Variants in NCOR1 observed in about 807,000 individuals in gnomAD.
NCOR1 encodes the protein nuclear receptor corepressor 1, also known as protein phosphatase 1, regulatory subunit 109.
Under a neutral mutation model 288.1 loss-of-function variants are expected in NCOR1, and 63 were observed. The ratio of observed to expected loss-of-function variants is 0.22; its 90% CI spans 0.18 to 0.27. The LOEUF (loss-of-function observed/expected upper bound fraction) is 0.27, where lower values mean the gene tolerates loss of function less well. Ranked by LOEUF, NCOR1 falls within the 10% of genes least tolerant of loss-of-function variation. The pLI is 1.00. For missense variants in NCOR1, 2,397 were observed against 3,019.2 expected (o/e 0.79, Z 4.83); for synonymous variants, 1,007 against 1,065.9 (o/e 0.94, Z 1.08).
At chr17:16,178,873 T>C (rs895364417) in intron 3 of NCOR1, among the ~76,000 whole-genome samples, 4 of 152,090 alleles carry the variant, frequency 2.6e-5, no homozygotes, top group African/African-American at 9.7e-5. Context: ...GGGAGGCCGA[T>C]GCAGGTGGAT....
chr17:16,048,693 A>T, intron 41 of NCOR1, 152 bp downstream of exon 41: 1 of 641,052 alleles, frequency 1.6e-6, no homozygotes, highest in Non-Finnish European at 2.3e-6. Flanking sequence ...CACTAGCATT[A>T]GATGAGTAGG....
chr17:16,094,780 T>C (rs1344576738), intron 21 of NCOR1, among the ~76,000 whole-genome samples: 1 of 152,220 alleles, frequency 6.6e-6, no homozygotes, highest in Non-Finnish European at 1.5e-5. Context: ...TTGGCTGGGC[T>C]GGTCTCCAGC....
At chr17:16,125,330 T>A (rs1772250288) in intron 15 of NCOR1, among the ~76,000 whole-genome samples, 1 of 152,072 alleles carries the variant, frequency 6.6e-6, no homozygotes. Flanking sequence ...GCCACTGCAC[T>A]CCAGCCTGGG....
intron 5 of NCOR1, among the ~76,000 whole-genome samples, chr17:16,161,902 T>A (rs1599677059): frequency 6.6e-6 from 1 of 152,272 alleles, no homozygotes; most frequent in East Asian, 1.9e-4. Context: ...AATATATTCA[T>A]TATCTCAATT....
chr17:16,137,080 A>T (rs2076547497), intron 14 of NCOR1, among the ~76,000 whole-genome samples: 1 of 152,146 alleles, frequency 6.6e-6, no homozygotes, highest in Non-Finnish European at 1.5e-5. Flanking sequence ...ATGGTATAAA[A>T]CTTTTCTAAT....
At chr17:16,077,580 AGGGG>A (rs2062745271) in intron 26 of NCOR1, among the ~76,000 whole-genome samples, 1 of 9,604 alleles carries the variant, frequency 1.0e-4, no homozygotes, top group African/African-American at 4.7e-4. Context: ...GGGGGAGGGG[AGGGG>A]GAGGGGAGAA....
At chr17:16,155,097 A>G (rs2079507398) in intron 6 of NCOR1, among the ~76,000 whole-genome samples, 1 of 152,190 alleles carries the variant, frequency 6.6e-6, no homozygotes, top group African/African-American at 2.4e-5. Context: ...CACGCCTGTA[A>G]TATCAACACT....
At chr17:16,077,590 G>GGGA (rs1555609692) in intron 26 of NCOR1, among the ~76,000 whole-genome samples, 2 of 48,924 alleles carry the variant, frequency 4.1e-5, no homozygotes, top group Admixed American at 2.1e-4. Context: ...AGGGGGAGGG[G>GGGA]AGAAGGGAGG....
At position 16,113,268 on chromosome 17, in the gene NCOR1, C is replaced by G. The variant is rs1163190114; in HGVS notation, c.2056-4356G>C. ...CCATTTTCCAAAAAAAAAAAAATGACTTACTAAAACAGTGGCACAACCTTC... is the reference window on the plus strand; with the variant it reads ...CCATTTTCCAAAAAAAAAAAAATGAGTTACTAAAACAGTGGCACAACCTTC... On this transcript the variant is annotated intron_variant, in intron 18 of 45. Transcript: ENST00000268712. Among the ~76,000 whole-genome samples, 4 of 151,618 alleles carry G rather than the reference C, an allele frequency of 2.6e-5. No individual in the cohort carries two copies. The South Asian group carries it at 6.3e-4, about 24-fold the overall frequency.
chr17:16,058,610 A>C lies in NCOR1; in HGVS notation c.5882-11T>G. ...ACCTGTGAGAAGATACTTTAAGAAA[A>C]GAAAATCTTATTTCAAAACTAATCC... On this transcript the variant is annotated splice_polypyrimidine_tract_variant and intron_variant, in intron 37 of 45. Coordinates refer to ENST00000268712, the MANE Select transcript of NCOR1 (RefSeq NM_006311.4). 1 of 1,585,364 alleles carries C rather than the reference A, an allele frequency of 6.3e-7. No individual in the cohort carries two copies. Among genetic ancestry groups the C allele is most frequent in the Non-Finnish European group, 8.6e-7 (1 of 1,165,594 alleles).
At chr17:16,152,957 A>G (rs985841115) in intron 7 of NCOR1, among the ~76,000 whole-genome samples, 1 of 152,180 alleles carries the variant, frequency 6.6e-6, no homozygotes, top group Non-Finnish European at 1.5e-5. Context: ...TTATAAATCC[A>G]TTGTTTCCCA....
intron 21 of NCOR1, among the ~76,000 whole-genome samples, chr17:16,095,276 G>C (rs1178996513): frequency 2.0e-5 from 3 of 149,648 alleles, no homozygotes; most frequent in African/African-American, 7.4e-5. Flanking sequence ...GGGAGGTGAG[G>C]AGCGTCTCTG....
intron 4 of NCOR1, among the ~76,000 whole-genome samples, chr17:16,166,480 A>G (rs1342522067): frequency 6.6e-6 from 1 of 152,166 alleles, no homozygotes; most frequent in Non-Finnish European, 1.5e-5. Flanking sequence ...GGAGTTCCAG[A>G]CCAGCCTAAC....
At chr17:16,184,194 A>C (rs889536400) in intron 3 of NCOR1, among the ~76,000 whole-genome samples, 2 of 152,242 alleles carry the variant, frequency 1.3e-5, no homozygotes, top group African/African-American at 4.8e-5. Context: ...GCATATCAAG[A>C]GGTCAGGCCA....
chr17:16,098,393 G>A lies in NCOR1; in HGVS notation c.2794C>T (p.His932Tyr), dbSNP rs759289025. 18 of 1,613,950 alleles carry A rather than the reference G, an allele frequency of 1.1e-5. No individual in the cohort carries two copies. The highest frequency in any genetic ancestry group is 1.5e-5 in the Non-Finnish European group (18 of 1,180,000). ...PNPLDLPQLQHRAAVIPPMVS... is the reference protein window; with the variant it reads ...PNPLDLPQLQYRAAVIPPMVS... ...ATTGGTGGGATAACAGCAGCTCGATGCTGAAGCTGTGGCAGATCCAGTGGA... is the reference window on the plus strand; with the variant it reads ...ATTGGTGGGATAACAGCAGCTCGATACTGAAGCTGTGGCAGATCCAGTGGA... The change falls in exon 21 of 46, where the codon CAT becomes TAT. Residue 932 changes from histidine to tyrosine, a missense_variant. By Grantham distance (83) the His-to-Tyr change is moderately conservative. Coordinates refer to ENST00000268712, the MANE Select transcript of NCOR1 (RefSeq NM_006311.4).
Position 16,064,725 on chromosome 17 carries a change from T to G in NCOR1, c.5101+145A>C. On this transcript the variant is annotated intron_variant, in intron 34 of 45. Coordinates refer to ENST00000268712, the MANE Select transcript of NCOR1 (RefSeq NM_006311.4). Reference sequence around the variant, plus strand: ...CATTCCTAAGGTATCTAGTGACAGCTGGCACATAAGAACTACTATTAAATG... The same window carrying G: ...CATTCCTAAGGTATCTAGTGACAGCGGGCACATAAGAACTACTATTAAATG... 4.4e-6 allele frequency: 3 copies of G among 680,046 alleles called. 1 individual carries two copies. In the Admixed American group the frequency reaches 9.9e-5, roughly 22 times the overall value. 42.1% of individuals were successfully genotyped at this position (680,046 alleles called of 1,614,324 possible). A position where few individuals can be genotyped will look rare whatever the true frequency, so the allele number is the denominator to read the frequency against.
chr17:16,126,025 TA>T, intron 15 of NCOR1, 56 bp downstream of exon 15: 1 of 921,760 alleles, frequency 1.1e-6, no homozygotes, highest in Non-Finnish European at 1.6e-6. Context: ...TCTACAAAAA[TA>T]AAAATAAAAT....
chr17:16,040,905 T>A (rs542836241), intron 42 of NCOR1: 3 of 182,464 alleles, frequency 1.6e-5, no homozygotes, highest in South Asian at 2.2e-4. Context: ...AAAGAAGCAG[T>A]GTAACCCAGA....
At chr17:16,032,634 G>C (rs888108627) in intron 45 of NCOR1, 151 bp from the exon 46 acceptor site, 1 of 681,282 alleles carries the variant, frequency 1.5e-6, no homozygotes, top group Non-Finnish European at 2.4e-6. Flanking sequence ...AATGGCCAAA[G>C]TCTCACCACT....
Sources: allele counts gnomAD v4.1 joint callset (sites outside exome capture counted in the v4.1 genomes callset), GRCh38; gene constraint gnomAD v4.1.1; transcripts MANE v1.5; gene names NCBI Gene and HGNC (gene_info 2026-07-23, HGNC 2026-07-21).